Variants in ERN1 observed in about 807,000 individuals in gnomAD.
ERN1 encodes the protein endoplasmic reticulum to nucleus signaling 1.
In ERN1, 39 loss-of-function variants were observed where a neutral mutation model predicts 113.1. That is an observed-to-expected ratio of 0.34 (90% confidence interval 0.27 to 0.45). The LOEUF (loss-of-function observed/expected upper bound fraction) is 0.45. Ranked by LOEUF, ERN1 falls within the 20% of genes least tolerant of loss-of-function variation. The probability of loss-of-function intolerance (pLI) is 1.00; values close to 1 mark genes in which losing one functional copy is unlikely to be tolerated. For missense variants in ERN1, 976 were observed against 1,274.8 expected, an observed-to-expected ratio of 0.77 and a Z score of 3.57; for synonymous variants, 507 against 515.9, an observed-to-expected ratio of 0.98 and a Z score of 0.23.
intron 2 of ERN1, among the ~76,000 whole-genome samples, chr17:64,085,210 G>A (rs1208767959): frequency 1.3e-5 from 2 of 152,168 alleles, no homozygotes; most frequent in Non-Finnish European, 2.9e-5. Context: ...GAATACCTGA[G>A]GCTGGGTAAT....
At position 64,096,755 on chromosome 17, in the gene ERN1, A is replaced by G. The variant is rs185196071; in HGVS notation, c.175+1366T>C. On this transcript the variant is annotated intron_variant, in intron 2 of 21. Coordinates refer to ENST00000433197, the MANE Select transcript of ERN1 (RefSeq NM_001433.5). ...GTTAATTCTTATGTTTGACTAAGTA[A>G]CGGAGAGGACACAGTTTTGTTGCAT... is the stretch of plus-strand genomic sequence containing the variant. Among the ~76,000 whole-genome samples, 61 of 152,330 alleles carry G rather than the reference A, an allele frequency of 4.0e-4. 1 individual carries two copies. Among genetic ancestry groups the G allele is most frequent in the Middle Eastern group, 3.4e-3 (1 of 294 alleles).
rs1448067403 is a variant in ERN1, at chr17:64,081,207, T to A, written c.176-399A>T. The stretch of plus-strand genomic sequence containing the variant: ...AAACCTTAATCATTACCTTGTCCGA[T>A]GCCTGGAGTAGCTCTACATATTCCC... On this transcript the variant is annotated intron_variant, in intron 2 of 21. Coordinates refer to ENST00000433197, the MANE Select transcript of ERN1 (RefSeq NM_001433.5). Among the ~76,000 whole-genome samples, 2 of 152,212 alleles carry A rather than the reference T, an allele frequency of 1.3e-5. 1 individual carries two copies. The highest frequency in any genetic ancestry group is 1.3e-4 in the Admixed American group (2 of 15,284).
At chr17:64,048,085 T>G in intron 18 of ERN1, 100 bp from the exon 19 acceptor site, 1 of 1,075,434 alleles carries the variant, frequency 9.3e-7, no homozygotes. Context: ...TTTATGATTC[T>G]ATTTACAGGA....
chr17:64,065,150 C>T, intron 9 of ERN1, 59 bp downstream of exon 9: 1 of 1,246,004 alleles, frequency 8.0e-7, no homozygotes, highest in Admixed American at 2.4e-5. Flanking sequence ...CAAAGTCATT[C>T]TTTGCTAAAA....
At chr17:64,129,534 C>G in intron 1 of ERN1, 1 of 335,842 alleles carries the variant, frequency 3.0e-6, no homozygotes, top group Non-Finnish European at 5.4e-6. Flanking sequence ...GACCCTTCCC[C>G]TGGATCCCAA....
At chr17:64,117,139 T>G (rs890599041) in intron 1 of ERN1, among the ~76,000 whole-genome samples, 1 of 149,730 alleles carries the variant, frequency 6.7e-6, no homozygotes, top group Non-Finnish European at 1.5e-5. Context: ...ATAATAAAAA[T>G]TTTTAAAAAA....
chr17:64,052,634 T>C, intron 17 of ERN1, 146 bp downstream of exon 17: 3 of 632,174 alleles, frequency 4.7e-6, no homozygotes, highest in South Asian at 2.9e-5. Context: ...TGACACAGAA[T>C]GTTCACACAG....
intron 2 of ERN1, among the ~76,000 whole-genome samples, chr17:64,095,227 G>C (rs911037324): frequency 6.6e-5 from 10 of 152,066 alleles, no homozygotes; most frequent in Non-Finnish European, 1.2e-4. Context: ...CCAGGAGTTT[G>C]AGACCACCCT....
At position 64,075,267 on chromosome 17, in the gene ERN1, G is replaced by C; in HGVS notation, c.283-20C>G. 1 of 592,728 alleles carries C rather than the reference G, an allele frequency of 1.7e-6. No individual in the cohort carries two copies. The highest frequency in any genetic ancestry group is 2.6e-6 in the Non-Finnish European group (1 of 390,672). 36.7% of individuals were successfully genotyped at this position (592,728 alleles called of 1,614,324 possible). A position where few individuals can be genotyped will look rare whatever the true frequency, so the allele number is the denominator to read the frequency against. On this transcript the variant is annotated intron_variant, in intron 4 of 21. Transcript: ENST00000433197. ...AAGTTTCTTTAAAAAAAAAAAAAAAGAAAAAAAAAAGTTAACCAAGTCTTG... is the reference window on the plus strand; with the variant it reads ...AAGTTTCTTTAAAAAAAAAAAAAAACAAAAAAAAAAGTTAACCAAGTCTTG...
intron 2 of ERN1, among the ~76,000 whole-genome samples, chr17:64,094,199 T>C (rs1229703880): frequency 1.3e-5 from 2 of 152,218 alleles, no homozygotes; most frequent in African/African-American, 4.8e-5. Flanking sequence ...GCTGTACTTC[T>C]TTTGTTTGAA....
At chr17:64,090,697 G>T (rs1183015792) in intron 2 of ERN1, among the ~76,000 whole-genome samples, 3 of 152,180 alleles carry the variant, frequency 2.0e-5, no homozygotes, top group Non-Finnish European at 4.4e-5. Context: ...GCTACTACGT[G>T]TGTGGCAGCT....
chr17:64,124,121 G>A (rs902389642), intron 1 of ERN1, among the ~76,000 whole-genome samples: 3 of 152,156 alleles, frequency 2.0e-5, no homozygotes, highest in African/African-American at 7.2e-5. Context: ...GGGTATAAGA[G>A]ACACTGTAAC....
chr17:64,087,612 A>G (rs1253516451), intron 2 of ERN1, among the ~76,000 whole-genome samples: 1 of 152,176 alleles, frequency 6.6e-6, no homozygotes, highest in Non-Finnish European at 1.5e-5. Context: ...CCGCATTGAT[A>G]ATTATTGAAG....
intron 1 of ERN1, among the ~76,000 whole-genome samples, chr17:64,119,997 TC>T (rs1336522761): frequency 6.6e-6 from 1 of 152,044 alleles, no homozygotes; most frequent in African/African-American, 2.4e-5. Context: ...CTTCAAGTGA[TC>T]CTCTTGTCTT....
At chr17:64,062,116 T>A (rs537034027) in intron 10 of ERN1, among the ~76,000 whole-genome samples, 1 of 152,236 alleles carries the variant, frequency 6.6e-6, no homozygotes, top group Middle Eastern at 3.2e-3. Flanking sequence ...TCTATCATTA[T>A]CTCTTAGGTC....
intron 19 of ERN1, among the ~76,000 whole-genome samples, chr17:64,047,044 AAT>A (rs926161070): frequency 6.6e-6 from 1 of 152,238 alleles, no homozygotes; most frequent in Admixed American, 6.5e-5. Context: ...AAACAAATAC[AAT>A]ATAAGAAAGC....
intron 1 of ERN1, chr17:64,098,560 G>A (rs771161981): frequency 7.0e-6 from 4 of 574,554 alleles, no homozygotes; most frequent in Admixed American, 1.9e-5. Flanking sequence ...TCCTTCTCTT[G>A]GGCCTATTCT....
In ERN1 at chr17:64,039,390, C is replaced by T. The variant is rs1912272511; in HGVS notation, c.*4598G>A. The T allele has an allele frequency of 2.6e-5, 4 of 152,104 alleles. No homozygotes were observed. Among genetic ancestry groups the T allele is most frequent in the Admixed American group, 1.3e-4 (2 of 15,270 alleles). 9.4% of individuals were successfully genotyped at this position (152,104 alleles called of 1,614,324 possible). On this transcript the variant is annotated 3_prime_UTR_variant, in exon 22 of 22. Transcript: ENST00000433197. ...ACACAATTAACACGTACTAATTAAA[C>T]AATTAACCATCCACACAGAAGACAT...
At chr17:64,064,206 G>A (rs1913146435) in intron 9 of ERN1, 55 bp from the exon 10 acceptor site, 4 of 1,516,878 alleles carry the variant, frequency 2.6e-6, no homozygotes, top group South Asian at 2.5e-5. Flanking sequence ...CGGGTCCCAC[G>A]GCACACCATC....
Sources: gnomAD v4.1 joint callset for allele counts (sites outside exome capture counted in the v4.1 genomes callset) on GRCh38, gnomAD v4.1.1 for gene constraint, MANE v1.5 for transcripts, NCBI Gene and HGNC (gene_info 2026-07-23, HGNC 2026-07-21) for gene names.